SAMD12: variants seen among roughly 807,000 people sequenced by gnomAD.
The protein encoded by SAMD12 is sterile alpha motif domain containing 12.
In SAMD12, 9 loss-of-function variants were observed where a neutral mutation model predicts 15.0. The ratio of observed to expected loss-of-function variants is 0.60; its 90% CI spans 0.36 to 1.05. The LOEUF (loss-of-function observed/expected upper bound fraction) is 1.05. Among genes scored for constraint, SAMD12 ranks in the 50% least tolerant of loss-of-function variants. SAMD12 has a pLI of 0.01. For missense variants in SAMD12, 230 were observed against 234.2 expected (o/e 0.98, Z 0.12); for synonymous variants, 86 against 90.1 (o/e 0.96, Z 0.25).
At chr8:118,210,989 C>T (rs1811804766) in intron 4 of SAMD12, among the ~76,000 whole-genome samples, 1 of 152,154 alleles carries the variant, frequency 6.6e-6, no homozygotes, top group South Asian at 2.1e-4. Context: ...TAACCCCTGC[C>T]CTTGCCTTCA....
exon 5 of SAMD12, chr8:118,189,946 G>GAAAAAAAA (rs895075538): frequency 2.6e-4 from 18 of 69,012 alleles, no homozygotes; most frequent in East Asian, 1.7e-3. Flanking sequence ...ATGCACAGAG[G>GAAAAAAAA]AAAAAAAAAA....
intron 4 of SAMD12, among the ~76,000 whole-genome samples, chr8:118,331,100 G>C (rs1816785950): frequency 1.3e-5 from 2 of 152,190 alleles, no homozygotes; most frequent in South Asian, 4.1e-4. Context: ...AATATCCTGA[G>C]ATGATGCTGA....
In SAMD12 at chr8:118,355,473, TACTC is replaced by T. The variant is rs1236554476; in HGVS notation, c.433+24083_433+24086del. On this transcript the variant is annotated intron_variant, in intron 4 of 4. Coordinates refer to the SAMD12 transcript ENST00000409003. ...TCTCACAAATAACTACTAAAAAACT[TACTC>T]ATGTAACCAAATACCAGCTGTTCTC... is the stretch of plus-strand genomic sequence containing the variant. Among the ~76,000 whole-genome samples, 3 of 152,106 alleles carry T rather than the reference TACTC, an allele frequency of 2.0e-5. 1 individual carries two copies. The highest frequency in any genetic ancestry group is 2.0e-4 in the Admixed American group (3 of 15,266).
chr8:118,384,772 T>C (rs1025130596), intron 3 of SAMD12, among the ~76,000 whole-genome samples: 1 of 152,224 alleles, frequency 6.6e-6, no homozygotes, highest in African/African-American at 2.4e-5. Flanking sequence ...TCTTCTTTTC[T>C]TGAATGCTCT....
chr8:118,469,153 C>T (rs1314727109), intron 2 of SAMD12, among the ~76,000 whole-genome samples: 1 of 152,028 alleles, frequency 6.6e-6, no homozygotes, highest in African/African-American at 2.4e-5. Flanking sequence ...TAAAACTACC[C>T]ATGCCATTCA....
the SAMD12 span, among the ~76,000 whole-genome samples, chr8:118,171,021 T>C: frequency 1.4e-4 from 21 of 152,270 alleles, 1 homozygote; most frequent in South Asian, 2.7e-3. Flanking sequence ...AAGATATGAA[T>C]AGACATTTCT....
intron 1 of SAMD12, among the ~76,000 whole-genome samples, chr8:118,587,589 G>C (rs1160284158): frequency 6.6e-6 from 1 of 152,150 alleles, no homozygotes; most frequent in Non-Finnish European, 1.5e-5. Context: ...TGACAAAAGA[G>C]GAAAGATCTT....
At chr8:118,365,816 C>T (rs1410865108) in intron 4 of SAMD12, among the ~76,000 whole-genome samples, 6 of 152,096 alleles carry the variant, frequency 3.9e-5, no homozygotes, top group Non-Finnish European at 8.8e-5. Context: ...AGTCGCCAAG[C>T]ACCACCTAAT....
intron 4 of SAMD12, among the ~76,000 whole-genome samples, chr8:118,293,063 A>G (rs1351744460): frequency 2.0e-5 from 2 of 100,774 alleles, no homozygotes; most frequent in Admixed American, 9.4e-5. Flanking sequence ...ATAAAAAAAC[A>G]AACAAACAAA....
chr8:118,398,819 T>C (rs1055162794), intron 3 of SAMD12, among the ~76,000 whole-genome samples: 7 of 152,232 alleles, frequency 4.6e-5, no homozygotes, highest in African/African-American at 1.2e-4. Context: ...AAACTCACCA[T>C]ACACTTTAAA....
chr8:118,139,904 G>A, the SAMD12 span, among the ~76,000 whole-genome samples: 1 of 152,120 alleles, frequency 6.6e-6, no homozygotes, highest in African/African-American at 2.4e-5. Context: ...TTTTCCAGCA[G>A]CTCTGGAGTC....
chr8:118,149,805 T>A, the SAMD12 span, among the ~76,000 whole-genome samples: 13 of 152,166 alleles, frequency 8.5e-5, no homozygotes, highest in African/African-American at 3.1e-4. Context: ...GGATAGCAAA[T>A]TTTTCCAGCA....
chr8:118,345,944 A>G (rs1257433559), intron 4 of SAMD12, among the ~76,000 whole-genome samples: 2 of 152,206 alleles, frequency 1.3e-5, no homozygotes, highest in African/African-American at 4.8e-5. Flanking sequence ...GAGTACCAGG[A>G]AAGGTGCTGA....
the SAMD12 span, among the ~76,000 whole-genome samples, chr8:118,141,032 A>G: frequency 6.6e-6 from 1 of 152,236 alleles, no homozygotes; most frequent in Non-Finnish European, 1.5e-5. Flanking sequence ...CTTAACTAAT[A>G]AACACTGCAT....
chr8:118,268,103 A>G (rs1261394712), intron 4 of SAMD12, among the ~76,000 whole-genome samples: 1 of 152,106 alleles, frequency 6.6e-6, no homozygotes, highest in Admixed American at 6.6e-5. Flanking sequence ...AACAAAAAAA[A>G]GAAAGAAAGA....
intron 2 of SAMD12, among the ~76,000 whole-genome samples, chr8:118,458,950 ATGTGTGTG>A (rs56067272): frequency 0.52 from 77,493 of 149,236 alleles, 20,003 homozygotes; most frequent in South Asian, 0.61. Flanking sequence ...TCAGCTATAT[ATGTGTGTG>A]TGTGTGTGTG....
intron 4 of SAMD12, among the ~76,000 whole-genome samples, chr8:118,253,455 T>C (rs1432445797): frequency 6.6e-6 from 1 of 152,218 alleles, no homozygotes; most frequent in Non-Finnish European, 1.5e-5. Flanking sequence ...TATGTTTAAA[T>C]AGAATGTCCT....
chr8:118,387,396 C>A (rs1006337042), intron 3 of SAMD12, among the ~76,000 whole-genome samples: 1 of 152,108 alleles, frequency 6.6e-6, no homozygotes, highest in Non-Finnish European at 1.5e-5. Context: ...ACCACAATAA[C>A]ACAATTTGGA....
chr8:118,590,792 AC>A (rs1449687274), intron 1 of SAMD12, among the ~76,000 whole-genome samples: 1 of 152,260 alleles, frequency 6.6e-6, no homozygotes, highest in Admixed American at 6.5e-5. Context: ...CAATCCATAG[AC>A]ACCAACATCC....
Sources: gnomAD v4.1 joint callset for allele counts (sites outside exome capture counted in the v4.1 genomes callset) on GRCh38, gnomAD v4.1.1 for gene constraint, MANE v1.5 for transcripts, NCBI Gene and HGNC (gene_info 2026-07-23, HGNC 2026-07-21) for gene names.